Variants in DCBLD1 observed in about 807,000 individuals in gnomAD.
The protein encoded by DCBLD1 is discoidin, CUB and LCCL domain-containing protein 1.
Under a neutral mutation model 71.5 loss-of-function variants are expected in DCBLD1, and 57 were observed. The ratio of observed to expected loss-of-function variants is 0.80; its 90% CI spans 0.64 to 0.99. The LOEUF (loss-of-function observed/expected upper bound fraction) is 0.99, where lower values mean the gene tolerates loss of function less well. Ranked by LOEUF, DCBLD1 falls within the 50% of genes least tolerant of loss-of-function variation. The pLI is 0.00. For synonymous variants in DCBLD1, 380 were observed against 363.8 expected, an observed-to-expected ratio of 1.04 and a Z score of -0.51; for missense variants, 891 against 923.5, an observed-to-expected ratio of 0.96 and a Z score of 0.46.
downstream of DCBLD1, among the ~76,000 whole-genome samples, chr6:117,553,785 T>C (rs1779460987): frequency 6.6e-6 from 1 of 152,202 alleles, no homozygotes; most frequent in Non-Finnish European, 1.5e-5. Context: ...TTTTTGTTGT[T>C]GCTGCCATTG....
intron 2 of DCBLD1, among the ~76,000 whole-genome samples, chr6:117,517,167 G>A (rs1778228251): frequency 6.6e-6 from 1 of 152,232 alleles, no homozygotes; most frequent in Non-Finnish European, 1.5e-5. Flanking sequence ...TAGATACAAT[G>A]TGGGTACTGG....
chr6:117,526,016 G>A (rs1778536998), intron 5 of DCBLD1, among the ~76,000 whole-genome samples: 1 of 152,176 alleles, frequency 6.6e-6, no homozygotes, highest in Admixed American at 6.5e-5. Flanking sequence ...ATTTGAAGTA[G>A]TTGGGTTTAT....
intron 4 of DCBLD1, among the ~76,000 whole-genome samples, chr6:117,523,870 AGTG>A (rs906593281): frequency 2.0e-5 from 3 of 152,220 alleles, no homozygotes; most frequent in African/African-American, 7.2e-5. Context: ...CATTATGTAA[AGTG>A]GTGTCTATAT....
At position 117,538,614 on chromosome 6, in the gene DCBLD1, T is replaced by C. The variant is rs1168706920; in HGVS notation, c.761-6T>C. ...TCTAAAATATCTTACTGCACTCTTTTTTCAGGTTGCAGCAGATCCTTGAGT... is the reference window on the plus strand; with the variant it reads ...TCTAAAATATCTTACTGCACTCTTTCTTCAGGTTGCAGCAGATCCTTGAGT... On this transcript the variant is annotated splice_region_variant and splice_polypyrimidine_tract_variant and intron_variant, in intron 7 of 14. Transcript: ENST00000338728. 6.2e-7 allele frequency: 1 copy of C among 1,613,756 alleles called. No individual in the cohort carries two copies. Among genetic ancestry groups the C allele is most frequent in the African/African-American group, 1.3e-5 (1 of 74,904 alleles).
At chr6:117,569,783 C>G in exon 15 of DCBLD1, 1 of 1,500,954 alleles carries the variant, frequency 6.7e-7, no homozygotes, top group African/African-American at 1.4e-5. Flanking sequence ...TTGTAAGGTA[C>G]AGTTACCGAT....
chr6:117,506,172 C>T (rs1777836624), intron 2 of DCBLD1, among the ~76,000 whole-genome samples: 2 of 152,122 alleles, frequency 1.3e-5, no homozygotes, highest in African/African-American at 2.4e-5. Context: ...CCTAATCCAC[C>T]TTCCAAGGTA....
intron 1 of DCBLD1, chr6:117,503,548 G>C: frequency 3.5e-6 from 2 of 565,658 alleles, no homozygotes; most frequent in Non-Finnish European, 6.2e-6. Flanking sequence ...TGTGTGAAAT[G>C]TTTTGATCAA....
At position 117,532,547 on chromosome 6, in the gene DCBLD1, G is replaced by A. The variant is rs187013508; in HGVS notation, c.719+154G>A. 3.3e-5 allele frequency among the ~76,000 whole-genome samples: 5 copies of A among 152,302 alleles called. No homozygotes were observed. In the East Asian group the frequency reaches 7.7e-4, roughly 24 times the overall value. On this transcript the variant is annotated intron_variant, in intron 6 of 14. Transcript: ENST00000338728. Reference sequence around the variant, plus strand: ...ATGAGTGCTTAGAGCAGCATTTCTGGTCTCTGCATGGATGATAAATGTAGC... The same window carrying A: ...ATGAGTGCTTAGAGCAGCATTTCTGATCTCTGCATGGATGATAAATGTAGC...
chr6:117,524,160 A>C (rs1006128543), intron 4 of DCBLD1, among the ~76,000 whole-genome samples: 2 of 152,034 alleles, frequency 1.3e-5, no homozygotes, highest in African/African-American at 4.8e-5. Context: ...TGTTTCTGGA[A>C]AGTTTCTTGA....
At chr6:117,511,314 T>G (rs573284955) in intron 2 of DCBLD1, among the ~76,000 whole-genome samples, 9 of 152,304 alleles carry the variant, frequency 5.9e-5, no homozygotes, top group African/African-American at 1.9e-4. Context: ...TCAAAAAATG[T>G]TTTTTAGTCA....
chr6:117,496,998 G>C (rs903534779), intron 1 of DCBLD1, among the ~76,000 whole-genome samples: 1 of 152,146 alleles, frequency 6.6e-6, no homozygotes, highest in Non-Finnish European at 1.5e-5. Flanking sequence ...TGAGGTTTCT[G>C]TCTTACTCTA....
Position 117,498,748 on chromosome 6 carries a change from AG to A in DCBLD1, c.113-5017del, listed in dbSNP as rs1777549337. Among the ~76,000 whole-genome samples, 6 of 152,146 alleles carry A rather than the reference AG, an allele frequency of 3.9e-5. No individual in the cohort carries two copies. The South Asian group carries it at 1.2e-3, about 32-fold the overall frequency. On this transcript the variant is annotated intron_variant, in intron 1 of 14. Coordinates refer to ENST00000338728, the MANE Select transcript of DCBLD1 (RefSeq NM_001366458.2). ...TATTCTGCATCACCTCTTTTTTGCC[AG>A]GTATTTTAAGGCAAATCCCAGACCT...
At chr6:117,522,603 G>A (rs776351201) in intron 4 of DCBLD1, among the ~76,000 whole-genome samples, 3 of 152,000 alleles carry the variant, frequency 2.0e-5, no homozygotes, top group Non-Finnish European at 4.4e-5. Context: ...CATCATACCT[G>A]GCTAATTTTT....
intron 14 of DCBLD1, among the ~76,000 whole-genome samples, chr6:117,555,695 AG>A (rs1413392981): frequency 2.0e-5 from 3 of 152,230 alleles, no homozygotes; most frequent in African/African-American, 7.2e-5. Flanking sequence ...ACAGCCAAAC[AG>A]TTTCTTGTGA....
intron 1 of DCBLD1, among the ~76,000 whole-genome samples, chr6:117,503,241 A>T (rs1292829344): frequency 6.6e-6 from 1 of 152,200 alleles, no homozygotes; most frequent in Non-Finnish European, 1.5e-5. Flanking sequence ...TAACTAAGAC[A>T]TACATTTCAA....
chr6:117,504,635 A>C (rs1455132049), intron 2 of DCBLD1, among the ~76,000 whole-genome samples: 2 of 152,172 alleles, frequency 1.3e-5, no homozygotes, highest in Non-Finnish European at 2.9e-5. Context: ...TGGGGAAGAA[A>C]ACAGCAAGTG....
intron 6 of DCBLD1, among the ~76,000 whole-genome samples, 177 bp downstream of exon 6, chr6:117,532,570 A>G (rs1281105529): frequency 6.6e-6 from 1 of 152,244 alleles, no homozygotes; most frequent in Non-Finnish European, 1.5e-5. Context: ...TGATAAATGT[A>G]GCAATCAGAA....
chr6:117,490,711 T>TTGATATGATTAAAATTTTTCCTATATGA (rs1562427131), intron 1 of DCBLD1, among the ~76,000 whole-genome samples: 1 of 151,076 alleles, frequency 6.6e-6, no homozygotes, highest in African/African-American at 2.5e-5. Flanking sequence ...TTAGTTTTTA[T>TTGATATGATTAAAATTTTTCCTATATGA]AGTCAGCATC....
chr6:117,524,483 C>T (rs1778484227), intron 4 of DCBLD1, among the ~76,000 whole-genome samples: 2 of 152,124 alleles, frequency 1.3e-5, no homozygotes, highest in Admixed American at 6.5e-5. Flanking sequence ...AGATTACAGG[C>T]GTGAGCCACT....
Sources: allele counts gnomAD v4.1 joint callset (sites outside exome capture counted in the v4.1 genomes callset), GRCh38; gene constraint gnomAD v4.1.1; transcripts MANE v1.5; gene names NCBI Gene and HGNC (gene_info 2026-07-23, HGNC 2026-07-21).